RASSF6: variants seen among roughly 807,000 people sequenced by gnomAD.
RASSF6 encodes the protein Ras association domain family member 6.
A neutral mutation model predicts 44.0 loss-of-function variants in RASSF6; 52 were observed. That is an observed-to-expected ratio of 1.18 (90% CI 0.95 to 1.49). RASSF6 has a LOEUF of 1.49. RASSF6 is among the 40% of genes most tolerant of loss of function. The probability of loss-of-function intolerance (pLI) is 0.00; values close to 1 mark genes in which losing one functional copy is unlikely to be tolerated. For missense variants in RASSF6, 464 were observed against 393.3 expected (o/e 1.18, Z -1.52); for synonymous variants, 162 against 124.6 (o/e 1.30, Z -2.00).
chr4:73,604,884 C>T (rs1212145745), intron 2 of RASSF6, among the ~76,000 whole-genome samples: 7 of 138,322 alleles, frequency 5.1e-5, no homozygotes, highest in East Asian at 2.1e-4. Context: ...CATTTTCTTT[C>T]TTTTTTTTTT....
chr4:73,581,855 G>A lies in RASSF6; in HGVS notation c.683C>T (p.Pro228Leu), dbSNP rs200606029. ...AATAATGTGAAGAGCAAAATCCTGG[G>A]GACTATTTTCAATCTGTCAAGGGAA... The part of the protein sequence containing the change: ...LLQKFKIENS[P>L]QDFALHIIFA... The change falls in exon 8 of 11, where the codon CCC becomes CTC. Residue 228 changes from proline (P) to leucine (L), a missense_variant. Pro to Leu is a moderately conservative substitution (Grantham distance 98). Coordinates refer to ENST00000307439, the MANE Select transcript of RASSF6 (RefSeq NM_177532.5). 6.0e-4 allele frequency: 966 copies of A among 1,608,992 alleles called. No individual in the cohort carries two copies. The highest frequency in any genetic ancestry group is 8.3e-4 in the Middle Eastern group (5 of 6,040).
At chr4:73,587,244 C>G (rs920389809) in intron 5 of RASSF6, among the ~76,000 whole-genome samples, 2 of 152,114 alleles carry the variant, frequency 1.3e-5, no homozygotes, top group African/African-American at 4.8e-5. Flanking sequence ...ACTAATGTCA[C>G]ACATCCCTGG....
At chr4:73,578,911 A>AC (rs1723425613) in intron 8 of RASSF6, among the ~76,000 whole-genome samples, 1 of 151,336 alleles carries the variant, frequency 6.6e-6, no homozygotes, top group South Asian at 2.1e-4. Context: ...CGTGCCTGAC[A>AC]CCCCCCTTCT....
At chr4:73,589,164 T>C (rs889619082) in intron 4 of RASSF6, among the ~76,000 whole-genome samples, 1 of 152,146 alleles carries the variant, frequency 6.6e-6, no homozygotes, top group Non-Finnish European at 1.5e-5. Context: ...GTAATCCTAA[T>C]ATATTTGTTA....
intron 1 of RASSF6, among the ~76,000 whole-genome samples, chr4:73,619,659 A>G (rs929692770): frequency 6.6e-6 from 1 of 152,230 alleles, no homozygotes; most frequent in African/African-American, 2.4e-5. Context: ...GGGCAAACTA[A>G]TAAGTGGCAA....
chr4:73,615,130 G>C (rs1726265153), intron 1 of RASSF6, among the ~76,000 whole-genome samples: 1 of 126,148 alleles, frequency 7.9e-6, no homozygotes, highest in Non-Finnish European at 1.6e-5. Flanking sequence ...AGTGAGCCAA[G>C]ATTGTGTCCC....
chr4:73,585,330 T>C lies in RASSF6; in HGVS notation c.417A>G (p.Pro139=). 6.2e-7 allele frequency: 1 copy of C among 1,607,434 alleles called. No homozygotes were observed. Among genetic ancestry groups the C allele is most frequent in the Non-Finnish European group, 8.5e-7 (1 of 1,177,030 alleles). ...YLSYHSNTLK[P]HAKDEPDSPV... is the part of the protein sequence containing the mutation. Reference sequence around the variant, plus strand: ...GGGAGTCTGGTTCATCCTTTGCATGTGGCTTCAGGGTGTTGCTGTGATAAG... The same window carrying C: ...GGGAGTCTGGTTCATCCTTTGCATGCGGCTTCAGGGTGTTGCTGTGATAAG... The change falls in exon 6 of 11, where the codon CCA becomes CCG. Residue 139 remains proline (P), a synonymous_variant. Transcript: ENST00000307439.
At chr4:73,620,528 C>T (rs1919471), upstream of RASSF6, 141,413 of 1,479,516 alleles carry the variant, frequency 0.096, 8,215 homozygotes, top group East Asian at 0.32. Flanking sequence ...GCAGTGCCCC[C>T]GACGCGATCA....
intron 4 of RASSF6, among the ~76,000 whole-genome samples, chr4:73,590,605 C>T (rs879314897): frequency 3.3e-5 from 5 of 152,208 alleles, no homozygotes; most frequent in Non-Finnish European, 7.3e-5. Context: ...CTATGCACCC[C>T]ATTAGCGAAC....
Position 73,619,072 on chromosome 4 carries a change from A to G in RASSF6, c.-35+1216T>C, listed in dbSNP as rs545401946. Among the ~76,000 whole-genome samples the G allele has an allele frequency of 3.3e-5, 5 of 152,336 alleles. No individual in the cohort carries two copies. The East Asian group carries it at 9.6e-4, about 29-fold the overall frequency. On this transcript the variant is annotated intron_variant, in intron 1 of 10. Transcript: ENST00000307439. ...AACAGCACTTCAATACAAACAATTC[A>G]ATATGTGCTGAAATATAAAGACATG...
chr4:73,583,399 T>G (rs1723820976), intron 6 of RASSF6, among the ~76,000 whole-genome samples: 1 of 152,134 alleles, frequency 6.6e-6, no homozygotes, highest in Non-Finnish European at 1.5e-5. Context: ...TCATTTACTA[T>G]CACATTGATA....
At chr4:73,617,678 T>C (rs1385572124) in intron 1 of RASSF6, among the ~76,000 whole-genome samples, 2 of 152,248 alleles carry the variant, frequency 1.3e-5, no homozygotes, top group African/African-American at 4.8e-5. Context: ...AGACACTTCA[T>C]GTTCTACTCC....
intron 1 of RASSF6, chr4:73,615,744 G>A: frequency 1.6e-6 from 1 of 623,032 alleles, no homozygotes; most frequent in Non-Finnish European, 2.9e-6. Flanking sequence ...TATAGGAGAG[G>A]TAGAATTGGT....
At chr4:73,599,181 T>A (rs1725125061) in intron 2 of RASSF6, among the ~76,000 whole-genome samples, 1 of 152,248 alleles carries the variant, frequency 6.6e-6, no homozygotes, top group East Asian at 1.9e-4. Context: ...TCACTTAGTA[T>A]CCCTGAATTT....
intron 2 of RASSF6, 24 bp from the exon 3 acceptor site, chr4:73,598,742 A>C (rs1725097304): frequency 9.6e-7 from 1 of 1,041,452 alleles, no homozygotes; most frequent in Admixed American, 2.7e-5. Flanking sequence ...AAAATTAATT[A>C]CAATCAGTCT....
intron 5 of RASSF6, among the ~76,000 whole-genome samples, chr4:73,586,616 T>A (rs781448167): frequency 6.6e-6 from 1 of 152,002 alleles, no homozygotes; most frequent in African/African-American, 2.4e-5. Flanking sequence ...TTTAGGATTT[T>A]AAAAAATTTT....
intron 2 of RASSF6, among the ~76,000 whole-genome samples, chr4:73,599,587 T>G (rs902103185): frequency 6.6e-6 from 1 of 152,344 alleles, no homozygotes; most frequent in Non-Finnish European, 1.5e-5. Context: ...GTGGGAACAC[T>G]GGCTCTTACC....
intron 8 of RASSF6, among the ~76,000 whole-genome samples, chr4:73,579,630 T>C (rs1723472751): frequency 6.6e-6 from 1 of 152,112 alleles, no homozygotes; most frequent in South Asian, 2.1e-4. Context: ...TTTTATCGGA[T>C]TGTCTGTTGT....
chr4:73,603,888 A>T (rs1725446495), intron 2 of RASSF6, among the ~76,000 whole-genome samples: 2 of 152,328 alleles, frequency 1.3e-5, no homozygotes, highest in South Asian at 4.1e-4. Context: ...TTACAGCATA[A>T]TTAAGTGGCC....
Sources: allele counts gnomAD v4.1 joint callset (sites outside exome capture counted in the v4.1 genomes callset), GRCh38; gene constraint gnomAD v4.1.1; transcripts MANE v1.5; gene names NCBI Gene and HGNC (gene_info 2026-07-23, HGNC 2026-07-21).